TSPAN13: variants seen among roughly 807,000 people sequenced by gnomAD.
TSPAN13 encodes tetraspanin 13, also known as tetraspanin-13.
Under a neutral mutation model 26.9 loss-of-function variants are expected in TSPAN13, and 18 were observed. That is an observed-to-expected ratio of 0.67 (90% CI 0.46 to 0.99). The LOEUF (loss-of-function observed/expected upper bound fraction) is 0.99. TSPAN13 is among the 50% of genes least tolerant of loss of function. The pLI is 0.00. For missense variants in TSPAN13, 201 were observed against 249.6 expected (o/e 0.81, Z 1.31); for synonymous variants, 116 against 98.4 (o/e 1.18, Z -1.06).
At chr7:16,756,182 T>C (rs1784479595) in intron 1 of TSPAN13, among the ~76,000 whole-genome samples, 1 of 152,190 alleles carries the variant, frequency 6.6e-6, no homozygotes, top group Admixed American at 6.5e-5. Flanking sequence ...CTTCTATTTC[T>C]CCCCTGATCT....
intron 1 of TSPAN13, among the ~76,000 whole-genome samples, chr7:16,771,089 A>G (rs1324137760): frequency 2.0e-5 from 3 of 152,028 alleles, no homozygotes; most frequent in African/African-American, 7.3e-5. Context: ...CCCGTTAGGG[A>G]CTGTTCTGAT....
chr7:16,779,455 T>C (rs1400869545), intron 5 of TSPAN13, among the ~76,000 whole-genome samples: 1 of 152,114 alleles, frequency 6.6e-6, no homozygotes, highest in African/African-American at 2.4e-5. Flanking sequence ...TCACATTGTT[T>C]AATATGTATG....
chr7:16,780,933 T>G (rs1339728000), intron 5 of TSPAN13, among the ~76,000 whole-genome samples: 1 of 152,212 alleles, frequency 6.6e-6, no homozygotes, highest in Admixed American at 6.5e-5. Flanking sequence ...GTTTTTTAGA[T>G]AGTGATAGTG....
At chr7:16,776,987 C>CT (rs1453279835) in intron 2 of TSPAN13, 55 bp from the exon 3 acceptor site, 20 of 1,271,180 alleles carry the variant, frequency 1.6e-5, no homozygotes, top group Non-Finnish European at 2.3e-5. Context: ...CTCTGTACCT[C>CT]TGTTTTATGC....
At chr7:16,778,339 C>T (rs1244829747) in intron 4 of TSPAN13, among the ~76,000 whole-genome samples, 2 of 152,296 alleles carry the variant, frequency 1.3e-5, no homozygotes, top group Admixed American at 6.5e-5. Context: ...TCTGTTGCTG[C>T]GTAACACATT....
At chr7:16,782,627 G>A (rs1784826068) in intron 5 of TSPAN13, among the ~76,000 whole-genome samples, 1 of 152,126 alleles carries the variant, frequency 6.6e-6, no homozygotes, top group Admixed American at 6.5e-5. Context: ...CACAGTAACA[G>A]CTTCATCTCT....
At chr7:16,770,236 C>G (rs1784658915) in intron 1 of TSPAN13, among the ~76,000 whole-genome samples, 2 of 151,286 alleles carry the variant, frequency 1.3e-5, no homozygotes, top group African/African-American at 4.9e-5. Flanking sequence ...AATGGAGTCT[C>G]ACTCTGTTGC....
intron 1 of TSPAN13, among the ~76,000 whole-genome samples, chr7:16,770,505 C>T (rs1241785229): frequency 6.6e-6 from 1 of 152,230 alleles, no homozygotes; most frequent in Non-Finnish European, 1.5e-5. Flanking sequence ...CCACCGCGCC[C>T]AGCCCCCTTT....
At chr7:16,779,584 C>T (rs1163164108) in intron 5 of TSPAN13, among the ~76,000 whole-genome samples, 2 of 151,718 alleles carry the variant, frequency 1.3e-5, no homozygotes, top group African/African-American at 2.4e-5. Flanking sequence ...CCTTCTAAAA[C>T]CTATGCATAA....
At chr7:16,782,391 A>AT (rs1234784179) in intron 5 of TSPAN13, among the ~76,000 whole-genome samples, 4 of 152,232 alleles carry the variant, frequency 2.6e-5, no homozygotes, top group Non-Finnish European at 4.4e-5. Context: ...GTGGCTACAA[A>AT]GTCACATAAA....
chr7:16,763,645 C>T (rs150232107), intron 1 of TSPAN13, among the ~76,000 whole-genome samples: 11 of 152,266 alleles, frequency 7.2e-5, no homozygotes, highest in South Asian at 2.1e-4. Context: ...ATTCCTTTAT[C>T]GATCTTGCAG....
intron 1 of TSPAN13, among the ~76,000 whole-genome samples, chr7:16,759,616 G>C (rs932774847): frequency 1.3e-5 from 2 of 151,896 alleles, no homozygotes; most frequent in African/African-American, 4.8e-5. Context: ...AGTTATCTAA[G>C]AAAAGTGTTT....
rs117714247 is a variant in TSPAN13, at chr7:16,771,388, A to G, written c.64-4823A>G. Reference sequence around the variant, plus strand: ...GTTCATATCCTAATCCTTGAAACCTACAAACACGTTACTTTACATAACTAA... The same window carrying G: ...GTTCATATCCTAATCCTTGAAACCTGCAAACACGTTACTTTACATAACTAA... On this transcript the variant is annotated intron_variant, in intron 1 of 5. Transcript: ENST00000262067. 8.1e-3 allele frequency among the ~76,000 whole-genome samples: 1,234 copies of G among 152,344 alleles called. 14 individuals are homozygous for G. The highest frequency in any genetic ancestry group is 0.013 in the Non-Finnish European group (906 of 68,034).
At position 16,776,288 on chromosome 7, in the gene TSPAN13, C is replaced by T. The variant is rs766873978; in HGVS notation, c.141C>T (p.Gly47=). The T allele has an allele frequency of 4.7e-5, 76 of 1,613,816 alleles. No individual in the cohort carries two copies. Among genetic ancestry groups the T allele is most frequent in the Non-Finnish European group, 6.0e-5 (71 of 1,179,984 alleles). Residue 47 remains glycine (G), a synonymous_variant, in exon 2 of 6, where the codon GGC becomes GGT. Coordinates refer to ENST00000262067, the MANE Select transcript of TSPAN13 (RefSeq NM_014399.4). The part of the protein sequence containing the change: ...FGLISSLRVV[G]VVIAVGIFLF... ...TGATTTCCAGTCTCCGAGTGGTCGG[C>T]GTGGTCATTGCAGTGGGCATCTTCT... is the stretch of plus-strand genomic sequence containing the variant.
chr7:16,760,298 ATGGAGGC>A (rs1177209934), intron 1 of TSPAN13, among the ~76,000 whole-genome samples: 1 of 152,172 alleles, frequency 6.6e-6, no homozygotes, highest in African/African-American at 2.4e-5. Context: ...ACATGAGATG[ATGGAGGC>A]TTGGATTAGT....
intron 5 of TSPAN13, among the ~76,000 whole-genome samples, chr7:16,781,748 TCTG>T (rs1348081759): frequency 9.2e-5 from 14 of 152,320 alleles, no homozygotes; most frequent in African/African-American, 2.9e-4. Flanking sequence ...CCTCAAAAAT[TCTG>T]ACCAGAAGCT....
rs564722689 is a variant in TSPAN13 at position 16,771,535 on chromosome 7, C to CA, written c.64-4670dup. ...AAGAGGGAGGAAAGAGGGTCAGAGT[C>CA]AAAAAATGATGTGCATATTTGAGGG... is the stretch of plus-strand genomic sequence containing the variant. On this transcript the variant is annotated intron_variant, in intron 1 of 5. Coordinates refer to ENST00000262067, the MANE Select transcript of TSPAN13 (RefSeq NM_014399.4). Among the ~76,000 whole-genome samples the CA allele has an allele frequency of 3.3e-3, 500 of 152,210 alleles. 5 individuals are homozygous for CA. The highest frequency in any genetic ancestry group is 0.011 in the African/African-American group (470 of 41,544).
chr7:16,772,453 CAG>C (rs1159756136), intron 1 of TSPAN13, among the ~76,000 whole-genome samples: 2 of 152,286 alleles, frequency 1.3e-5, no homozygotes, highest in Non-Finnish European at 2.9e-5. Context: ...CAGGCTCTCT[CAG>C]GGACCTGGGG....
intron 1 of TSPAN13, among the ~76,000 whole-genome samples, chr7:16,773,855 A>T (rs1784710265): frequency 6.6e-6 from 1 of 152,172 alleles, no homozygotes; most frequent in Non-Finnish European, 1.5e-5. Context: ...GATACAATGT[A>T]ATTCTTCTGG....
Sources: allele counts gnomAD v4.1 joint callset (sites outside exome capture counted in the v4.1 genomes callset), GRCh38; gene constraint gnomAD v4.1.1; transcripts MANE v1.5; gene names NCBI Gene and HGNC (gene_info 2026-07-23, HGNC 2026-07-21).